The following CNTNAP2 variants were observed in gnomAD, a reference collection of about 807,000 sequenced individuals.
CNTNAP2 encodes contactin associated protein 2, also known as contactin-associated protein-like 2.
A neutral mutation model predicts 155.2 loss-of-function variants in CNTNAP2; 98 were observed. The observed-to-expected ratio is 0.63, with a 90% CI of 0.54 to 0.75. CNTNAP2 has a LOEUF of 0.75. CNTNAP2 is among the 30% of genes least tolerant of loss of function. The probability of loss-of-function intolerance (pLI) is 0.00; values close to 1 mark genes in which losing one functional copy is unlikely to be tolerated. For synonymous variants in CNTNAP2, 651 were observed against 631.2 expected (o/e 1.03, Z -0.47); for missense variants, 1,727 against 1,688.1 (o/e 1.02, Z -0.40).
Position 148,322,295 on chromosome 7 carries a change from A to G in CNTNAP2, c.3475+55169A>G, listed in dbSNP as rs190038224. On this transcript the variant is annotated intron_variant, in intron 21 of 23. Coordinates refer to ENST00000361727, the MANE Select transcript of CNTNAP2 (RefSeq NM_014141.6). ...GCCTAAGCCTTGTAACCATATGCCAACCTACATTGGTCTACTCCCTCTGCC... is the reference window on the plus strand; with the variant it reads ...GCCTAAGCCTTGTAACCATATGCCAGCCTACATTGGTCTACTCCCTCTGCC... Among the ~76,000 whole-genome samples, 98 of 152,252 alleles carry G rather than the reference A, an allele frequency of 6.4e-4. No homozygotes were observed. In the East Asian group the frequency reaches 6.9e-3, roughly 11 times the overall value.
chr7:147,826,405 C>A (rs1482377565), intron 13 of CNTNAP2, among the ~76,000 whole-genome samples: 1 of 152,042 alleles, frequency 6.6e-6, no homozygotes, highest in Non-Finnish European at 1.5e-5. Context: ...AATTCTATGT[C>A]CTATTTGACA....
chr7:146,536,917 A>G (rs961079449), intron 1 of CNTNAP2, among the ~76,000 whole-genome samples: 8 of 152,144 alleles, frequency 5.3e-5, no homozygotes, highest in African/African-American at 1.9e-4. Context: ...TTAATCAAAT[A>G]ATTATACTAG....
At chr7:146,513,819 CTT>C (rs1347204889) in intron 1 of CNTNAP2, among the ~76,000 whole-genome samples, 2 of 151,760 alleles carry the variant, frequency 1.3e-5, no homozygotes, top group East Asian at 3.9e-4. Flanking sequence ...ATATTAGTGT[CTT>C]TTTCTTTTAA....
chr7:147,196,318 T>C (rs1802799300), intron 8 of CNTNAP2, among the ~76,000 whole-genome samples: 1 of 152,206 alleles, frequency 6.6e-6, no homozygotes, highest in African/African-American at 2.4e-5. Flanking sequence ...ATGACAACTA[T>C]ATGCTGGACA....
chr7:146,391,725 C>T (rs1452583311), intron 1 of CNTNAP2, among the ~76,000 whole-genome samples: 1 of 151,868 alleles, frequency 6.6e-6, no homozygotes, highest in African/African-American at 2.4e-5. Context: ...CCAGCTCCAT[C>T]TATTTCCCTG....
intron 14 of CNTNAP2, among the ~76,000 whole-genome samples, chr7:147,908,767 T>C (rs1185508421): frequency 6.6e-6 from 1 of 152,218 alleles, no homozygotes; most frequent in Non-Finnish European, 1.5e-5. Context: ...TTAAATCTCA[T>C]GCTTTTAGAT....
chr7:147,044,305 T>C (rs908944243), intron 4 of CNTNAP2, among the ~76,000 whole-genome samples: 9 of 152,190 alleles, frequency 5.9e-5, no homozygotes, highest in African/African-American at 2.2e-4. Flanking sequence ...ATACTTTAGG[T>C]TGAAGATTTG....
chr7:148,229,529 G>GAAAGA (rs921301748), intron 19 of CNTNAP2, 117 bp from the exon 20 acceptor site: 17 of 1,371,026 alleles, frequency 1.2e-5, no homozygotes, highest in Admixed American at 1.9e-5. Context: ...TCAAAAAAAA[G>GAAAGA]AAAGAAAAGA....
At chr7:147,320,743 G>C (rs2620460) in intron 9 of CNTNAP2, among the ~76,000 whole-genome samples, 74,681 of 152,026 alleles carry the variant, frequency 0.49, 19,511 homozygotes, top group East Asian at 0.73. Flanking sequence ...GAATAGCAAA[G>C]AGGCTATTTT....
chr7:147,090,251 A>G (rs1800373172), intron 4 of CNTNAP2, among the ~76,000 whole-genome samples: 1 of 152,088 alleles, frequency 6.6e-6, no homozygotes, highest in Non-Finnish European at 1.5e-5. Context: ...CAAATACTTA[A>G]TATGTTGCCA....
intron 3 of CNTNAP2, among the ~76,000 whole-genome samples, chr7:146,948,523 A>C: frequency 6.6e-6 from 1 of 152,150 alleles, no homozygotes; most frequent in Admixed American, 6.6e-5. Context: ...AATAGCCTTC[A>C]TTTAGGGCCT....
rs796090232 is a variant in CNTNAP2, at chr7:147,469,531, TTC to T, written c.1671-16402_1671-16401del. Among the ~76,000 whole-genome samples the T allele has an allele frequency of 2.3e-3, 176 of 77,038 alleles. 29 individuals carry two copies. The highest frequency in any genetic ancestry group is 6.4e-3 in the Admixed American group (46 of 7,208). 50.5% of individuals were successfully genotyped at this position (77,038 alleles called of 152,430 possible). ...ATTTTTTTTTTTTTTTTTTTTTTTT[TTC>T]TGTGAGACAAAGTCTCGCTCTGCCG... On this transcript the variant is annotated intron_variant, in intron 10 of 23. Transcript: ENST00000361727.
chr7:147,618,661 T>TTATATATATAATAACAGCTATTA (rs1445217701), intron 12 of CNTNAP2, among the ~76,000 whole-genome samples: 5 of 148,486 alleles, frequency 3.4e-5, no homozygotes, highest in South Asian at 4.3e-4. Flanking sequence ...ATAACAGCTA[T>TTATATATATAATAACAGCTATTA]TATATATATA....
intron 13 of CNTNAP2, among the ~76,000 whole-genome samples, chr7:147,728,942 A>G (rs1301792882): frequency 6.6e-6 from 1 of 151,164 alleles, no homozygotes; most frequent in African/African-American, 2.4e-5. Context: ...TAGAAAAAGA[A>G]CAAATCAAAT....
At chr7:148,273,869 A>G (rs567969490) in intron 21 of CNTNAP2, among the ~76,000 whole-genome samples, 9 of 152,242 alleles carry the variant, frequency 5.9e-5, no homozygotes, top group African/African-American at 1.7e-4. Context: ...CTAAATTGTG[A>G]ATATCATGAT....
chr7:147,130,886 C>CT (rs1444686730), intron 7 of CNTNAP2, among the ~76,000 whole-genome samples: 3 of 151,928 alleles, frequency 2.0e-5, no homozygotes, highest in Non-Finnish European at 4.4e-5. Flanking sequence ...ATAGGCAGTT[C>CT]TTTTTATCAG....
chr7:147,322,459 T>A (rs1795370030), intron 9 of CNTNAP2, among the ~76,000 whole-genome samples: 1 of 152,216 alleles, frequency 6.6e-6, no homozygotes, highest in East Asian at 1.9e-4. Context: ...GAGCAAATCT[T>A]GAAAATTTGT....
intron 1 of CNTNAP2, among the ~76,000 whole-genome samples, chr7:146,614,332 A>G (rs1799188238): frequency 6.6e-6 from 1 of 152,248 alleles, no homozygotes; most frequent in Admixed American, 6.5e-5. Flanking sequence ...CAGTTAAGGA[A>G]ATACATATAA....
At position 146,975,430 on chromosome 7, in the gene CNTNAP2, A is replaced by C. The variant is rs565853768; in HGVS notation, c.403-68477A>C. Among the ~76,000 whole-genome samples, 9 of 152,254 alleles carry C rather than the reference A, an allele frequency of 5.9e-5. No homozygotes were observed. In the South Asian group the frequency reaches 1.9e-3, roughly 32 times the overall value. The stretch of plus-strand genomic sequence containing the variant: ...AAGTGAGCCAAGATCATGCCACTGC[A>C]CTCCAGCCTAGGCAACAGAGTGAGA... On this transcript the variant is annotated intron_variant, in intron 3 of 23. Coordinates refer to ENST00000361727, the MANE Select transcript of CNTNAP2 (RefSeq NM_014141.6).
Sources: gnomAD v4.1 joint callset for allele counts (sites outside exome capture counted in the v4.1 genomes callset) on GRCh38, gnomAD v4.1.1 for gene constraint, MANE v1.5 for transcripts, NCBI Gene and HGNC (gene_info 2026-07-23, HGNC 2026-07-21) for gene names.